FUT8: variants seen among roughly 807,000 people sequenced by gnomAD.
The protein encoded by FUT8 is fucosyltransferase 8.
In FUT8, 29 loss-of-function variants were observed where a neutral mutation model predicts 71.3. The ratio of observed to expected loss-of-function variants is 0.41; its 90% confidence interval spans 0.30 to 0.55. The LOEUF (loss-of-function observed/expected upper bound fraction) is 0.55. Among genes scored for constraint, FUT8 ranks in the 20% least tolerant of loss-of-function variants. The probability of loss-of-function intolerance (pLI) is 0.34; values close to 1 mark genes in which losing one functional copy is unlikely to be tolerated. For missense variants in FUT8, 544 were observed against 702.1 expected (o/e 0.77, Z 2.55); for synonymous variants, 254 against 239.3 (o/e 1.06, Z -0.57).
intron 7 of FUT8, among the ~76,000 whole-genome samples, chr14:65,700,410 A>C (rs1032234056): frequency 1.6e-4 from 1 of 6,444 alleles, no homozygotes; most frequent in African/African-American, 5.3e-4. Flanking sequence ...TTTTTTTTTG[A>C]GACGGAGTCT....
the FUT8 span, among the ~76,000 whole-genome samples, chr14:65,373,573 C>T: frequency 6.6e-6 from 1 of 152,160 alleles, no homozygotes; most frequent in Non-Finnish European, 1.5e-5. Context: ...GTGCTCGCCC[C>T]GGCTCCTGCA....
intron 2 of FUT8, among the ~76,000 whole-genome samples, chr14:65,501,054 A>G (rs1336079591): frequency 6.6e-6 from 1 of 152,168 alleles, no homozygotes; most frequent in East Asian, 1.9e-4. Context: ...CCGTTTTCCA[A>G]AGCGATCAAG....
At chr14:65,527,625 C>A (rs1465195886) in intron 2 of FUT8, among the ~76,000 whole-genome samples, 7 of 152,178 alleles carry the variant, frequency 4.6e-5, no homozygotes, top group Non-Finnish European at 1.0e-4. Context: ...GAGAGGCGCT[C>A]TGATTTTTAG....
At chr14:65,654,991 A>G (rs1308910458) in intron 6 of FUT8, among the ~76,000 whole-genome samples, 5 of 151,830 alleles carry the variant, frequency 3.3e-5, no homozygotes, top group Admixed American at 6.6e-5. Flanking sequence ...ACCTCAGGTG[A>G]TCCGCCCACC....
At chr14:65,609,090 T>C (rs1006952936) in intron 3 of FUT8, among the ~76,000 whole-genome samples, 1 of 151,366 alleles carries the variant, frequency 6.6e-6, no homozygotes, top group Non-Finnish European at 1.5e-5. Context: ...AGGTCAGGAG[T>C]TGAAGACCAG....
At chr14:65,601,511 A>G (rs1434363276) in intron 3 of FUT8, among the ~76,000 whole-genome samples, 3 of 152,156 alleles carry the variant, frequency 2.0e-5, no homozygotes, top group Admixed American at 1.3e-4. Context: ...GTTTGTTGAT[A>G]TAATGCCACT....
chr14:65,639,800 T>G (rs1336312359), intron 6 of FUT8, among the ~76,000 whole-genome samples: 1 of 152,196 alleles, frequency 6.6e-6, no homozygotes, highest in African/African-American at 2.4e-5. Context: ...ATCTCTAGGT[T>G]CATTTTGAAG....
At chr14:65,558,954 A>G (rs1885753104) in intron 2 of FUT8, among the ~76,000 whole-genome samples, 1 of 152,122 alleles carries the variant, frequency 6.6e-6, no homozygotes, top group Admixed American at 6.5e-5. Context: ...ATCAATATTG[A>G]TATATAATAT....
chr14:65,708,335 GC>G (rs1410276200), intron 7 of FUT8, among the ~76,000 whole-genome samples: 1 of 152,174 alleles, frequency 6.6e-6, no homozygotes, highest in Non-Finnish European at 1.5e-5. Context: ...CGCCTCCCCA[GC>G]CATGCTGAAC....
At chr14:65,477,170 A>C (rs1263838169) in intron 2 of FUT8, among the ~76,000 whole-genome samples, 1 of 152,046 alleles carries the variant, frequency 6.6e-6, no homozygotes, top group Non-Finnish European at 1.5e-5. Flanking sequence ...GTGTGGTCTG[A>C]CTCCTGACTT....
chr14:65,697,309 A>G (rs1363457810), intron 7 of FUT8, among the ~76,000 whole-genome samples: 1 of 152,146 alleles, frequency 6.6e-6, no homozygotes, highest in African/African-American at 2.4e-5. Flanking sequence ...CTCCTGAAAT[A>G]GGCAGTTCTT....
In FUT8 at chr14:65,580,404, T is replaced by A. The variant is rs1887025756; in HGVS notation, c.203+18638T>A. Among the ~76,000 whole-genome samples the A allele has an allele frequency of 2.0e-5, 3 of 151,714 alleles. No homozygotes were observed. The South Asian group carries it at 6.2e-4, about 31-fold the overall frequency. ...GTTATATATGCGGTCCATTGTTATG[T>A]GGTGCATGACTAAATATATATATAT... On this transcript the variant is annotated intron_variant, in intron 3 of 10. Coordinates refer to ENST00000673929, the MANE Select transcript of FUT8 (RefSeq NM_001371533.1).
At chr14:65,726,223 C>G (rs186443498) in intron 9 of FUT8, among the ~76,000 whole-genome samples, 2 of 152,354 alleles carry the variant, frequency 1.3e-5, no homozygotes, top group East Asian at 3.9e-4. Context: ...CTAATTTTGT[C>G]TACTCTTTCA....
chr14:65,448,159 A>T (rs1455909500), intron 1 of FUT8, among the ~76,000 whole-genome samples: 1 of 152,182 alleles, frequency 6.6e-6, no homozygotes, highest in East Asian at 1.9e-4. Flanking sequence ...AATGGTTATG[A>T]ACTATAGATT....
intron 10 of FUT8, among the ~76,000 whole-genome samples, chr14:65,739,531 G>A (rs1030997778): frequency 6.6e-6 from 1 of 151,988 alleles, no homozygotes; most frequent in South Asian, 2.1e-4. Context: ...AGAGTAAGAC[G>A]TTTAAGAGTG....
At chr14:65,628,422 T>C (rs893359145) in intron 5 of FUT8, among the ~76,000 whole-genome samples, 1 of 152,204 alleles carries the variant, frequency 6.6e-6, no homozygotes, top group African/African-American at 2.4e-5. Flanking sequence ...ACTTTAGATG[T>C]AGGCAATGGT....
chr14:65,374,362 T>C, the FUT8 span, among the ~76,000 whole-genome samples: 5 of 152,314 alleles, frequency 3.3e-5, no homozygotes, highest in South Asian at 1.0e-3. Context: ...TCAAATGTCC[T>C]GGGAAAAAGG....
intron 2 of FUT8, among the ~76,000 whole-genome samples, chr14:65,464,259 G>GGT (rs1555362910): frequency 1.7e-5 from 2 of 116,560 alleles, no homozygotes; most frequent in Admixed American, 1.9e-4. Context: ...AGTACTTTGG[G>GGT]TTTTTTTTTT....
At chr14:65,374,177 GTTTGTC>G in the FUT8 span, among the ~76,000 whole-genome samples, 40 of 150,246 alleles carry the variant, frequency 2.7e-4, no homozygotes, top group African/African-American at 9.4e-4. Context: ...CTAATGCTCT[GTTTGTC>G]TTTGTGTGTT....
Sources: allele counts gnomAD v4.1 joint callset (sites outside exome capture counted in the v4.1 genomes callset), GRCh38; gene constraint gnomAD v4.1.1; transcripts MANE v1.5; gene names NCBI Gene and HGNC (gene_info 2026-07-23, HGNC 2026-07-21).